The following CUL1 variants were observed in gnomAD, a reference collection of about 807,000 sequenced individuals.
CUL1 encodes the protein cullin 1, also known as cullin-1.
In CUL1, 24 loss-of-function variants were observed where a neutral mutation model predicts 118.0. The ratio of observed to expected loss-of-function variants is 0.20; its 90% CI spans 0.15 to 0.29. The LOEUF (loss-of-function observed/expected upper bound fraction) is 0.29, where lower values mean the gene tolerates loss of function less well. Ranked by LOEUF, CUL1 falls within the 10% of genes least tolerant of loss-of-function variation. The probability of loss-of-function intolerance (pLI) is 1.00; values close to 1 mark genes in which losing one functional copy is unlikely to be tolerated. For missense variants in CUL1, 361 were observed against 933.8 expected (o/e 0.39, Z 7.99); for synonymous variants, 332 against 340.4 (o/e 0.98, Z 0.27).
At chr7:148,790,574 C>T in intron 16 of CUL1, 133 bp downstream of exon 16, 1 of 758,730 alleles carries the variant, frequency 1.3e-6, no homozygotes, top group Non-Finnish European at 2.1e-6. Flanking sequence ...AGGTTTAAAG[C>T]ATGGAGTTGT....
At chr7:148,766,475 C>T (rs2129460806) in intron 7 of CUL1, 86 bp from the exon 8 acceptor site, 3 of 1,152,504 alleles carry the variant, frequency 2.6e-6, no homozygotes, top group South Asian at 1.9e-5. Context: ...TGCCATTTTT[C>T]AGTTTCCTTT....
chr7:148,762,558 G>A (rs956600546), intron 7 of CUL1, among the ~76,000 whole-genome samples: 1 of 152,190 alleles, frequency 6.6e-6, no homozygotes, highest in African/African-American at 2.4e-5. Flanking sequence ...TGTTTTAAAC[G>A]TTAACATTGC....
At chr7:148,719,760 G>C (rs1475603802) in intron 1 of CUL1, among the ~76,000 whole-genome samples, 1 of 152,208 alleles carries the variant, frequency 6.6e-6, no homozygotes, top group Non-Finnish European at 1.5e-5. Flanking sequence ...GTTCTTCCCT[G>C]AACTATTCGT....
At chr7:148,742,113 A>G (rs1195077427) in intron 2 of CUL1, among the ~76,000 whole-genome samples, 1 of 152,212 alleles carries the variant, frequency 6.6e-6, no homozygotes, top group Admixed American at 6.5e-5. Context: ...TTTTGGAATC[A>G]GCTTGTTAAC....
At chr7:148,770,766 T>C (rs1351987524) in intron 9 of CUL1, among the ~76,000 whole-genome samples, 1 of 152,190 alleles carries the variant, frequency 6.6e-6, no homozygotes, top group Non-Finnish European at 1.5e-5. Context: ...TGATTACTTA[T>C]TGTAAGAAAG....
intron 9 of CUL1, among the ~76,000 whole-genome samples, chr7:148,768,378 C>CTTTTTTTTTTTTTT (rs10595637): frequency 1.6e-4 from 15 of 94,882 alleles, no homozygotes; most frequent in African/African-American, 6.1e-4. Context: ...AAGAAAAGCT[C>CTTTTTTTTTTTTTT]TTTTTTTTTT....
chr7:148,779,312 G>A (rs1438821414), intron 9 of CUL1, among the ~76,000 whole-genome samples: 3 of 152,282 alleles, frequency 2.0e-5, no homozygotes, highest in South Asian at 4.1e-4. Context: ...AGGCAGACAC[G>A]GTCCCAGTGG....
At chr7:148,752,722 C>T (rs925807174) in intron 2 of CUL1, among the ~76,000 whole-genome samples, 6 of 152,194 alleles carry the variant, frequency 3.9e-5, no homozygotes, top group South Asian at 2.1e-4. Flanking sequence ...GATCTCAGCT[C>T]GCTGCAAGCT....
At chr7:148,767,780 G>T in intron 9 of CUL1, 31 bp downstream of exon 9, 1 of 1,606,050 alleles carries the variant, frequency 6.2e-7, no homozygotes, top group East Asian at 2.2e-5. Flanking sequence ...AATCAGTCAG[G>T]CTGATTATTT....
chr7:148,712,317 C>G (rs765987107), intron 1 of CUL1, among the ~76,000 whole-genome samples: 2 of 152,180 alleles, frequency 1.3e-5, no homozygotes, highest in Non-Finnish European at 2.9e-5. Context: ...ATGAAAGATT[C>G]ATGTGAATTT....
Position 148,799,266 on chromosome 7 carries a change from G to A in CUL1, c.2137-9G>A. The A allele has an allele frequency of 6.2e-7, 1 of 1,606,344 alleles. No homozygotes were observed. Among genetic ancestry groups the A allele is most frequent in the Non-Finnish European group, 8.5e-7 (1 of 1,173,608 alleles). On this transcript the variant is annotated splice_polypyrimidine_tract_variant and intron_variant, in intron 20 of 21. Coordinates refer to ENST00000325222, the MANE Select transcript of CUL1 (RefSeq NM_003592.3). ...AAATGCACTTCTTTTTCCTTATCTT[G>A]TTGCATAGGCGGCCATCGTGAGAAT...
chr7:148,769,352 TTA>T (rs1304767124), intron 9 of CUL1, among the ~76,000 whole-genome samples: 1 of 150,942 alleles, frequency 6.6e-6, no homozygotes, highest in East Asian at 2.0e-4. Context: ...CCTTCAGTTT[TTA>T]TGACTTTATT....
At chr7:148,733,462 G>A (rs564505266) in intron 2 of CUL1, among the ~76,000 whole-genome samples, 4 of 152,316 alleles carry the variant, frequency 2.6e-5, no homozygotes, top group South Asian at 2.1e-4. Flanking sequence ...CTTTGGAATT[G>A]CGTATATGTT....
chr7:148,745,440 C>G (rs1036499558), intron 2 of CUL1, among the ~76,000 whole-genome samples: 1 of 152,188 alleles, frequency 6.6e-6, no homozygotes, highest in Non-Finnish European at 1.5e-5. Context: ...CAACACTAGG[C>G]CACTTTTCAG....
At chr7:148,744,931 C>T (rs375204146) in intron 2 of CUL1, among the ~76,000 whole-genome samples, 2 of 152,136 alleles carry the variant, frequency 1.3e-5, no homozygotes, top group East Asian at 1.9e-4. Flanking sequence ...CATGTTATTG[C>T]ACTGTCTTCT....
At chr7:148,749,022 A>G (rs1019854865) in intron 2 of CUL1, among the ~76,000 whole-genome samples, 3 of 152,196 alleles carry the variant, frequency 2.0e-5, no homozygotes, top group Non-Finnish European at 4.4e-5. Context: ...TATACTTTCC[A>G]TGTAGTATGA....
In CUL1 at chr7:148,761,069, G is replaced by T. The variant is rs545058173; in HGVS notation, c.789+573G>T. Among the ~76,000 whole-genome samples, 87 of 152,110 alleles carry T rather than the reference G, an allele frequency of 5.7e-4. 1 individual carries two copies. The highest frequency in any genetic ancestry group is 1.1e-3 in the Non-Finnish European group (74 of 68,020). On this transcript the variant is annotated intron_variant, in intron 7 of 21. Coordinates refer to ENST00000325222, the MANE Select transcript of CUL1 (RefSeq NM_003592.3). ...GGTCTCGCTATTTTTGTAGAGATAG[G>T]TTGCCCAGGTTGGTCTCAAACTCTT...
At chr7:148,729,741 ACCCAGGTTTTCTCT>A (rs1798696342) in intron 1 of CUL1, among the ~76,000 whole-genome samples, 1 of 152,174 alleles carries the variant, frequency 6.6e-6, no homozygotes, top group East Asian at 1.9e-4. Flanking sequence ...GCAAACTTTT[ACCCAGGTTTTCTCT>A]TGAGTGCTGA....
intron 1 of CUL1, among the ~76,000 whole-genome samples, chr7:148,711,755 C>T (rs1249887217): frequency 6.6e-6 from 1 of 152,178 alleles, no homozygotes; most frequent in Admixed American, 6.5e-5. Flanking sequence ...CCAAAATCTG[C>T]TTATTGAGCA....
Sources: allele counts gnomAD v4.1 joint callset (sites outside exome capture counted in the v4.1 genomes callset), GRCh38; gene constraint gnomAD v4.1.1; transcripts MANE v1.5; gene names NCBI Gene and HGNC (gene_info 2026-07-23, HGNC 2026-07-21).